BBOX1: variants seen among roughly 807,000 people sequenced by gnomAD.
BBOX1 encodes gamma-butyrobetaine dioxygenase.
Under a neutral mutation model 41.6 loss-of-function variants are expected in BBOX1, and 35 were observed. The ratio of observed to expected loss-of-function variants is 0.84; its 90% confidence interval spans 0.64 to 1.11. The LOEUF (loss-of-function observed/expected upper bound fraction) is 1.11. Ranked by LOEUF, BBOX1 falls within the 50% of genes most tolerant of loss-of-function variation. BBOX1 has a pLI of 0.00. For missense variants in BBOX1, 458 were observed against 460.6 expected (o/e 0.99, Z 0.05); for synonymous variants, 163 against 154.7 (o/e 1.05, Z -0.40).
At chr11:27,050,340 T>C (rs1402938936) in intron 2 of BBOX1, among the ~76,000 whole-genome samples, 2 of 152,178 alleles carry the variant, frequency 1.3e-5, no homozygotes, top group African/African-American at 4.8e-5. Context: ...CTCAGATTTT[T>C]TGTGGTTCCA....
At chr11:27,092,048 A>G (rs189176648) in intron 4 of BBOX1, among the ~76,000 whole-genome samples, 96 of 152,096 alleles carry the variant, frequency 6.3e-4, no homozygotes, top group African/African-American at 2.2e-3. Flanking sequence ...GTGCACCTGC[A>G]TGTATCTTTT....
In BBOX1 at chr11:27,085,933, C is replaced by T. The variant is rs369782290; in HGVS notation, c.335-7235C>T. ...AGTTTGAGGGGTCTGAATAGAAGATCAAACCAGCCACATTTCCTTAAGCCA... is the reference window on the plus strand; with the variant it reads ...AGTTTGAGGGGTCTGAATAGAAGATTAAACCAGCCACATTTCCTTAAGCCA... On this transcript the variant is annotated intron_variant, in intron 4 of 8. Transcript: ENST00000263182. 4.6e-5 allele frequency among the ~76,000 whole-genome samples: 7 copies of T among 152,092 alleles called. No individual in the cohort carries two copies. The East Asian group carries it at 9.6e-4, about 21-fold the overall frequency.
intron 5 of BBOX1, among the ~76,000 whole-genome samples, chr11:27,108,517 C>T (rs896913937): frequency 4.6e-5 from 7 of 152,050 alleles, no homozygotes; most frequent in East Asian, 1.9e-4. Flanking sequence ...TGTTGACAAT[C>T]GTCTGGATCC....
At chr11:27,117,563 A>C (rs7949619) in intron 6 of BBOX1, among the ~76,000 whole-genome samples, 2 of 151,724 alleles carry the variant, frequency 1.3e-5, no homozygotes, top group African/African-American at 4.8e-5. Flanking sequence ...TCTTCCAAAC[A>C]TAGCTTGAGG....
intron 7 of BBOX1, among the ~76,000 whole-genome samples, chr11:27,124,412 C>T (rs917415140): frequency 6.6e-6 from 1 of 152,198 alleles, no homozygotes; most frequent in Non-Finnish European, 1.5e-5. Context: ...CAATAAGCTA[C>T]AAAAGAGTTT....
chr11:27,114,224 C>T (rs1327960404), intron 5 of BBOX1, among the ~76,000 whole-genome samples: 1 of 151,708 alleles, frequency 6.6e-6, no homozygotes, highest in Non-Finnish European at 1.5e-5. Flanking sequence ...GTACTTTATA[C>T]TATAAAACAT....
intron 5 of BBOX1, among the ~76,000 whole-genome samples, chr11:27,099,654 T>C (rs1244027988): frequency 6.6e-6 from 1 of 152,050 alleles, no homozygotes; most frequent in African/African-American, 2.4e-5. Flanking sequence ...GCTCATAGGA[T>C]CAACAGGGAA....
chr11:27,074,273 T>C (rs1857562859), intron 4 of BBOX1, among the ~76,000 whole-genome samples: 1 of 151,836 alleles, frequency 6.6e-6, no homozygotes, highest in South Asian at 2.1e-4. Context: ...TATAGCAGTG[T>C]GAGAATGCAC....
At chr11:27,109,013 TG>T (rs1456009391) in intron 5 of BBOX1, among the ~76,000 whole-genome samples, 1 of 152,102 alleles carries the variant, frequency 6.6e-6, no homozygotes, top group African/African-American at 2.4e-5. Flanking sequence ...GAATTGGCAC[TG>T]GTTTCGTTGA....
chr11:27,049,120 G>A (rs1357734466), intron 2 of BBOX1, among the ~76,000 whole-genome samples: 2 of 58,210 alleles, frequency 3.4e-5, no homozygotes, highest in Middle Eastern at 6.7e-3. Context: ...GTGTATATGT[G>A]CCACATAAGT....
chr11:27,068,449 C>G (rs1857353377), intron 4 of BBOX1, among the ~76,000 whole-genome samples: 1 of 151,876 alleles, frequency 6.6e-6, no homozygotes, highest in Non-Finnish European at 1.5e-5. Flanking sequence ...GTTTGAGTTC[C>G]TTGTAGATTC....
chr11:27,112,770 C>T (rs1809992312), intron 5 of BBOX1, among the ~76,000 whole-genome samples: 1 of 151,786 alleles, frequency 6.6e-6, no homozygotes, highest in African/African-American at 2.4e-5. Context: ...ATGACTATAA[C>T]AAAAACAATT....
At chr11:27,111,169 T>C (rs2134085478) in intron 5 of BBOX1, among the ~76,000 whole-genome samples, 1 of 152,032 alleles carries the variant, frequency 6.6e-6, no homozygotes, top group Middle Eastern at 3.4e-3. Context: ...TACACAACCA[T>C]ATAAAAGAAC....
At chr11:27,106,070 C>T (rs529711486) in intron 5 of BBOX1, among the ~76,000 whole-genome samples, 2,366 of 152,132 alleles carry the variant, frequency 0.016, 77 homozygotes, top group African/African-American at 0.054. Context: ...CAGGCCTGCC[C>T]TAAAAGAGCT....
intron 5 of BBOX1, among the ~76,000 whole-genome samples, chr11:27,107,575 C>T (rs980433262): frequency 6.6e-6 from 1 of 151,898 alleles, no homozygotes; most frequent in African/African-American, 2.4e-5. Flanking sequence ...CACAGCCATT[C>T]TCAGTAATCT....
intron 4 of BBOX1, 151 bp from the exon 5 acceptor site, chr11:27,093,017 G>T: frequency 1.3e-6 from 1 of 766,620 alleles, no homozygotes; most frequent in East Asian, 2.7e-5. Context: ...GAAAGGCCTA[G>T]TGACTTGGGC....
chr11:27,101,163 C>A (rs1314332958), intron 5 of BBOX1, among the ~76,000 whole-genome samples: 1 of 151,996 alleles, frequency 6.6e-6, no homozygotes, highest in African/African-American at 2.4e-5. Flanking sequence ...CTAACATTTA[C>A]CTCCTAATTT....
intron 2 of BBOX1, among the ~76,000 whole-genome samples, chr11:27,052,758 A>G (rs1001085068): frequency 5.3e-5 from 8 of 152,132 alleles, no homozygotes; most frequent in African/African-American, 1.9e-4. Context: ...AGGTCCAGAC[A>G]TGACCATCTA....
chr11:27,114,228 A>G (rs2134092213), intron 5 of BBOX1, among the ~76,000 whole-genome samples: 1 of 152,010 alleles, frequency 6.6e-6, no homozygotes, highest in East Asian at 1.9e-4. Flanking sequence ...TTTATACTAT[A>G]AAACATTGCT....
Sources: gnomAD v4.1 joint callset for allele counts (sites outside exome capture counted in the v4.1 genomes callset) on GRCh38, gnomAD v4.1.1 for gene constraint, MANE v1.5 for transcripts, NCBI Gene and HGNC (gene_info 2026-07-23, HGNC 2026-07-21) for gene names.